CTNNA2: variants seen among roughly 807,000 people sequenced by gnomAD.
The protein encoded by CTNNA2 is catenin alpha-2.
A neutral mutation model predicts 101.0 loss-of-function variants in CTNNA2; 42 were observed. The ratio of observed to expected loss-of-function variants is 0.42; its 90% CI spans 0.32 to 0.54. The LOEUF (loss-of-function observed/expected upper bound fraction) is 0.54. CTNNA2 is among the 20% of genes least tolerant of loss of function. The pLI is 0.14. For missense variants in CTNNA2, 871 were observed against 1,223.1 expected (o/e 0.71, Z 4.29); for synonymous variants, 450 against 456.4 (o/e 0.99, Z 0.18).
intron 4 of CTNNA2, among the ~76,000 whole-genome samples, chr2:79,477,130 ATTTCTT>A (rs1322406581): frequency 1.4e-5 from 2 of 144,744 alleles, no homozygotes; most frequent in Admixed American, 6.8e-5. Context: ...TCATTGCATC[ATTTCTT>A]TTTCTTTTTA....
At chr2:80,584,504 G>A (rs1225452299) in intron 14 of CTNNA2, among the ~76,000 whole-genome samples, 1 of 151,852 alleles carries the variant, frequency 6.6e-6, no homozygotes, top group Non-Finnish European at 1.5e-5. Flanking sequence ...AAAATATGGA[G>A]GTGATCTTAC....
chr2:79,521,160 ATATATAT>A (rs1672099034), intron 1 of CTNNA2, among the ~76,000 whole-genome samples: 1 of 86,502 alleles, frequency 1.2e-5, no homozygotes, highest in South Asian at 3.3e-4. Flanking sequence ...ATATATATAT[ATATATAT>A]AAATTTTAAG....
At chr2:80,091,696 T>C (rs1699803173) in intron 7 of CTNNA2, among the ~76,000 whole-genome samples, 1 of 152,056 alleles carries the variant, frequency 6.6e-6, no homozygotes. Context: ...CTCCCTAGCC[T>C]CATTTCAGCT....
intron 3 of CTNNA2, among the ~76,000 whole-genome samples, chr2:79,848,651 T>G (rs747339170): frequency 2.0e-5 from 3 of 152,208 alleles, no homozygotes; most frequent in Non-Finnish European, 4.4e-5. Flanking sequence ...GTTTAATAGC[T>G]CATAACATTC....
intron 7 of CTNNA2, among the ~76,000 whole-genome samples, chr2:79,937,299 A>G (rs1176279678): frequency 6.6e-6 from 1 of 152,200 alleles, no homozygotes. Flanking sequence ...ACTTTTATAA[A>G]GGAAACTACT....
intron 18 of CTNNA2, among the ~76,000 whole-genome samples, chr2:80,629,966 T>C (rs1429247977): frequency 6.6e-6 from 1 of 152,122 alleles, no homozygotes; most frequent in Admixed American, 6.6e-5. Context: ...GCAGATAAGA[T>C]AGTTCCAGAT....
intron 7 of CTNNA2, among the ~76,000 whole-genome samples, chr2:79,937,486 T>G (rs35502473): frequency 6.6e-6 from 1 of 152,224 alleles, no homozygotes; most frequent in African/African-American, 2.4e-5. Context: ...TATCTGCACA[T>G]ACCCCTCATT....
chr2:79,471,252 T>G (rs1670995304), intron 4 of CTNNA2, among the ~76,000 whole-genome samples: 1 of 152,174 alleles, frequency 6.6e-6, no homozygotes, highest in Non-Finnish European at 1.5e-5. Flanking sequence ...GCTGCCATTA[T>G]ATGTGTCTCA....
intron 2 of CTNNA2, among the ~76,000 whole-genome samples, chr2:79,665,392 C>T (rs1682343556): frequency 6.6e-6 from 1 of 152,126 alleles, no homozygotes; most frequent in Non-Finnish European, 1.5e-5. Flanking sequence ...ACATTTATTA[C>T]CCATAAGACC....
At chr2:80,588,979 C>T (rs2149735141) in intron 14 of CTNNA2, among the ~76,000 whole-genome samples, 1 of 152,242 alleles carries the variant, frequency 6.6e-6, no homozygotes, top group East Asian at 1.9e-4. Flanking sequence ...TTTCCTGAGA[C>T]CAAATATAAA....
At chr2:79,541,652 G>T (rs1673429628) in intron 1 of CTNNA2, among the ~76,000 whole-genome samples, 1 of 148,906 alleles carries the variant, frequency 6.7e-6, no homozygotes, top group African/African-American at 2.5e-5. Context: ...TTTTGAGACA[G>T]AGTCTCTCTC....
rs375645223 is a variant in CTNNA2, at chr2:80,601,417, C to CTTTTTTTTTTTTTTTTTTTTTTT, written c.2190-2654_2190-2653insTTTTTTTTTTTTTTTTTTTTTTT. ...GATTTAATGACTTTTTTCTTTCTTT[C>CTTTTTTTTTTTTTTTTTTTTTTT]TTTCTTTTTTTTTTTTTTTGATGAG... On this transcript the variant is annotated intron_variant, in intron 15 of 18. Transcript: ENST00000402739. Among the ~76,000 whole-genome samples, 45 of 94,180 alleles carry CTTTTTTTTTTTTTTTTTTTTTTT rather than the reference C, an allele frequency of 4.8e-4. 3 individuals are homozygous for CTTTTTTTTTTTTTTTTTTTTTTT. Among genetic ancestry groups the CTTTTTTTTTTTTTTTTTTTTTTT allele is most frequent in the Non-Finnish European group, 5.9e-4 (27 of 45,652 alleles). 61.8% of individuals were successfully genotyped at this position (94,180 alleles called of 152,430 possible).
intron 7 of CTNNA2, among the ~76,000 whole-genome samples, chr2:79,936,695 A>T (rs1023719753): frequency 6.6e-6 from 1 of 152,210 alleles, no homozygotes; most frequent in Middle Eastern, 3.4e-3. Flanking sequence ...ATCTTGCCTC[A>T]TTATATTAGA....
At chr2:80,346,818 C>T (rs1672777675) in intron 7 of CTNNA2, among the ~76,000 whole-genome samples, 1 of 152,146 alleles carries the variant, frequency 6.6e-6, no homozygotes, top group Non-Finnish European at 1.5e-5. Flanking sequence ...TTCTGCCTTT[C>T]CAATTTAAAA....
At chr2:80,536,108 T>C (rs1020812988) in intron 9 of CTNNA2, among the ~76,000 whole-genome samples, 27 of 152,206 alleles carry the variant, frequency 1.8e-4, no homozygotes, top group African/African-American at 5.5e-4. Flanking sequence ...ATCTGTATTA[T>C]AGGAGTCATG....
chr2:80,342,881 G>A (rs899592853), intron 7 of CTNNA2, among the ~76,000 whole-genome samples: 11 of 152,180 alleles, frequency 7.2e-5, no homozygotes, highest in African/African-American at 2.7e-4. Flanking sequence ...CAAGATCAAG[G>A]TATCAGCATG....
chr2:79,649,104 G>C (rs1291998964), intron 1 of CTNNA2, among the ~76,000 whole-genome samples: 1 of 151,962 alleles, frequency 6.6e-6, no homozygotes, highest in Non-Finnish European at 1.5e-5. Flanking sequence ...TAGTTGGCTT[G>C]AGATCTTTGT....
At chr2:80,404,045 A>T (rs1000476502) in intron 8 of CTNNA2, among the ~76,000 whole-genome samples, 3 of 152,196 alleles carry the variant, frequency 2.0e-5, no homozygotes, top group Non-Finnish European at 4.4e-5. Context: ...ATCGATATTC[A>T]TCAGGGATAT....
chr2:79,361,268 C>G (rs1391919334), intron 3 of CTNNA2, among the ~76,000 whole-genome samples: 2 of 151,878 alleles, frequency 1.3e-5, no homozygotes, highest in African/African-American at 4.8e-5. Context: ...AAGATTTAGA[C>G]AAACAAACAA....
Sources: allele counts gnomAD v4.1 joint callset (sites outside exome capture counted in the v4.1 genomes callset), GRCh38; gene constraint gnomAD v4.1.1; transcripts MANE v1.5; gene names NCBI Gene and HGNC (gene_info 2026-07-23, HGNC 2026-07-21).